The following TRIM14 variants were observed in gnomAD, a reference collection of about 807,000 sequenced individuals.
TRIM14 encodes tripartite motif containing 14, also known as tripartite motif-containing protein 14.
TRIM14 carries 28 observed loss-of-function variants against 44.5 expected under a neutral mutation model. The observed-to-expected ratio is 0.63, with a 90% confidence interval of 0.47 to 0.86. The LOEUF is 0.86. Among genes scored for constraint, TRIM14 ranks in the 40% least tolerant of loss-of-function variants. TRIM14 has a pLI of 0.00. For missense variants in TRIM14, 607 were observed against 611.1 expected, an observed-to-expected ratio of 0.99 and a Z score of 0.07; for synonymous variants, 299 against 269.2, an observed-to-expected ratio of 1.11 and a Z score of -1.08.
intron 3 of TRIM14, among the ~76,000 whole-genome samples, chr9:98,096,981 G>T (rs1295992300): frequency 6.6e-6 from 1 of 152,182 alleles, no homozygotes; most frequent in East Asian, 1.9e-4. Flanking sequence ...ATCACTTGAG[G>T]TCAAGAGTTT....
At chr9:98,039,043 C>A in the TRIM14 span, among the ~76,000 whole-genome samples, 3 of 151,156 alleles carry the variant, frequency 2.0e-5, no homozygotes, top group East Asian at 3.9e-4. Flanking sequence ...AGAGAGACTA[C>A]GTCTAAAAAA....
At chr9:98,051,604 G>A in the TRIM14 span, among the ~76,000 whole-genome samples, 19 of 152,064 alleles carry the variant, frequency 1.2e-4, no homozygotes, top group Non-Finnish European at 2.4e-4. Flanking sequence ...AACAAATGAT[G>A]CCCTTCTAGA....
intron 1 of TRIM14, among the ~76,000 whole-genome samples, chr9:98,114,157 T>C (rs1308466335): frequency 1.3e-5 from 2 of 152,246 alleles, no homozygotes; most frequent in Admixed American, 6.5e-5. Flanking sequence ...AAGCGTATTA[T>C]TAATGTGTTC....
rs1019863906 is a variant in TRIM14, at chr9:98,087,159, C to T, written c.*311G>A. ...GTTCCCAGGCTGCGGATGATGTATT[C>T]AGGATGCTGAGGGCTTACCTGTGGG... On this transcript the variant is annotated 3_prime_UTR_variant, in exon 6 of 6. Coordinates refer to ENST00000341469, the MANE Select transcript of TRIM14 (RefSeq NM_014788.4). 1.6e-6 allele frequency: 1 copy of T among 644,898 alleles called. No individual in the cohort carries two copies. The highest frequency in any genetic ancestry group is 1.8e-5 in the African/African-American group (1 of 55,962). The allele number at this position is 644,898 out of a possible 1,614,324, so 39.9% of individuals were successfully genotyped here.
At chr9:98,068,992 A>G (rs1377193167), downstream of TRIM14, among the ~76,000 whole-genome samples, 1 of 152,188 alleles carries the variant, frequency 6.6e-6, no homozygotes, top group Non-Finnish European at 1.5e-5. Flanking sequence ...GACATAATTC[A>G]TATACTGTAT....
At chr9:98,110,122 T>A in intron 1 of TRIM14, 138 bp from the exon 2 acceptor site, 1 of 660,564 alleles carries the variant, frequency 1.5e-6, no homozygotes, top group Non-Finnish European at 2.7e-6. Context: ...TTGCCCAAAG[T>A]CATATGGCAA....
At position 98,094,987 on chromosome 9, in the gene TRIM14, G is replaced by A; in HGVS notation, c.580C>T (p.Leu194Phe). 6.2e-7 allele frequency: 1 copy of A among 1,614,130 alleles called. No individual in the cohort carries two copies. The highest frequency in any genetic ancestry group is 8.5e-7 in the Non-Finnish European group (1 of 1,180,012). ...GGCACGGGATGGCACAGCTCCCCGA[G>A]GCTCATCTGCTGCTGCATCTCCTGC... Reference protein sequence around the residue: ...TEQEMQQQMSLGELCHPVPLS... With the variant: ...TEQEMQQQMSFGELCHPVPLS... Residue 194 changes from leucine to phenylalanine, a missense_variant, in exon 4 of 6, where the codon CTC (leucine) becomes TTC (phenylalanine). Leu to Phe is a conservative substitution (Grantham distance 22). Around this residue, in one of 3 missense-constraint regions of TRIM14, gnomAD observed 246 missense variants for 270.8 expected, o/e 0.91. Coordinates refer to ENST00000341469, the MANE Select transcript of TRIM14 (RefSeq NM_014788.4).
intron 2 of TRIM14, among the ~76,000 whole-genome samples, chr9:98,101,802 A>G (rs1826403048): frequency 6.6e-6 from 1 of 152,118 alleles, no homozygotes; most frequent in South Asian, 2.1e-4. Flanking sequence ...TCACATGTGC[A>G]TGAAGATTTG....
intron 2 of TRIM14, among the ~76,000 whole-genome samples, chr9:98,101,121 A>G (rs1201655127): frequency 6.6e-6 from 1 of 152,098 alleles, no homozygotes; most frequent in African/African-American, 2.4e-5. Flanking sequence ...GATTACAAGC[A>G]CGCACCACCA....
chr9:98,057,537 A>AG, the TRIM14 span, among the ~76,000 whole-genome samples: 3 of 152,102 alleles, frequency 2.0e-5, no homozygotes, highest in Admixed American at 6.6e-5. Context: ...CCTTTTCCCC[A>AG]TTTGAAAACG....
chr9:98,087,365 C>T lies in TRIM14; in HGVS notation c.*105G>A. ...GGGGAAAGCTGGGGCAGGGAGAGGG[C>T]CCTAAGAAGCAGGCAGTAAGGGGAC... is the stretch of plus-strand genomic sequence containing the variant. On this transcript the variant is annotated 3_prime_UTR_variant, in exon 6 of 6. Transcript: ENST00000341469. 1 of 1,527,514 alleles carries T rather than the reference C, an allele frequency of 6.5e-7. No individual in the cohort carries two copies. The highest frequency in any genetic ancestry group is 9.1e-7 in the Non-Finnish European group (1 of 1,101,914). 94.6% of individuals were successfully genotyped at this position (1,527,514 alleles called of 1,614,324 possible).
chr9:98,044,368 CTTT>C, the TRIM14 span, among the ~76,000 whole-genome samples: 844 of 110,398 alleles, frequency 7.6e-3, 4 homozygotes, highest in Non-Finnish European at 0.011. Flanking sequence ...TGCCCTTTCT[CTTT>C]TTTTTTTTTT....
chr9:98,061,271 G>A, the TRIM14 span: 4 of 391,592 alleles, frequency 1.0e-5, no homozygotes, highest in African/African-American at 2.0e-5. Flanking sequence ...GAGGTCAGGA[G>A]TTCGAGACCA....
chr9:98,072,277 G>A (rs1320515806), intron 6 of TRIM14, among the ~76,000 whole-genome samples: 2 of 152,224 alleles, frequency 1.3e-5, no homozygotes, highest in African/African-American at 4.8e-5. Flanking sequence ...AGCGATGGCT[G>A]TTCTGTGACT....
the TRIM14 span, among the ~76,000 whole-genome samples, chr9:98,043,941 A>C: frequency 5.5e-4 from 83 of 151,952 alleles, no homozygotes; most frequent in South Asian, 1.7e-3. Context: ...GTGCCATAAC[A>C]CTAAGAGTGC....
the TRIM14 span, among the ~76,000 whole-genome samples, chr9:98,041,014 C>T: frequency 6.6e-6 from 1 of 152,070 alleles, no homozygotes; most frequent in African/African-American, 2.4e-5. Flanking sequence ...GTCTCAAATT[C>T]CTGGCCTCAA....
chr9:98,083,523 G>A (rs1347121721), downstream of TRIM14, among the ~76,000 whole-genome samples: 2 of 152,194 alleles, frequency 1.3e-5, no homozygotes, highest in Non-Finnish European at 2.9e-5. Flanking sequence ...ATCAGAGAAA[G>A]GACTGGTCAA....
At chr9:98,068,927 A>C (rs1829230825), downstream of TRIM14, among the ~76,000 whole-genome samples, 1 of 152,086 alleles carries the variant, frequency 6.6e-6, no homozygotes. Flanking sequence ...TGATCCAATC[A>C]CTCTAGAAAA....
chr9:98,087,181 T>G lies in TRIM14; in HGVS notation c.*289A>C. ...ATTCAGGATGCTGAGGGCTTACCTGTGGGGGTATCACTTTGAAGGAACTGG... is the reference window on the plus strand; with the variant it reads ...ATTCAGGATGCTGAGGGCTTACCTGGGGGGGTATCACTTTGAAGGAACTGG... On this transcript the variant is annotated 3_prime_UTR_variant, in exon 6 of 6. Transcript: ENST00000341469. The G allele has an allele frequency of 2.9e-6, 2 of 699,718 alleles. No individual in the cohort carries two copies. The highest frequency in any genetic ancestry group is 1.7e-5 in the African/African-American group (1 of 57,600). 43.3% of individuals were successfully genotyped at this position (699,718 alleles called of 1,614,324 possible).
Sources: gnomAD v4.1 joint callset for allele counts (sites outside exome capture counted in the v4.1 genomes callset) on GRCh38, gnomAD v4.1.1 for gene constraint, gnomAD v4.1.1 regional missense constraint, MANE v1.5 for transcripts, NCBI Gene and HGNC (gene_info 2026-07-23, HGNC 2026-07-21) for gene names.